Variants in PCED1B observed in about 807,000 individuals in gnomAD.
The protein encoded by PCED1B is PC-esterase domain-containing protein 1B.
For synonymous variants in PCED1B, 251 were observed against 246.1 expected (o/e 1.02, Z -0.19); for missense variants, 573 against 573.9 (o/e 1.00, Z 0.02).
chr12:47,127,962 G>A (rs563202805), intron 2 of PCED1B, among the ~76,000 whole-genome samples: 7 of 152,230 alleles, frequency 4.6e-5, no homozygotes, highest in South Asian at 4.1e-4. Flanking sequence ...TTATGATACC[G>A]CTTTATGCTT....
Position 47,126,928 on chromosome 12 carries a change from G to A in PCED1B, c.-526+22733G>A, listed in dbSNP as rs570168546. Among the ~76,000 whole-genome samples, 4 of 152,084 alleles carry A rather than the reference G, an allele frequency of 2.6e-5. 1 individual carries two copies. The highest frequency in any genetic ancestry group is 4.4e-5 in the Non-Finnish European group (3 of 68,000). ...TGTTTTGGCTAGAGGTTTATTCAATGTAGTTGATTTTTCTCAAAGAATCTG... is the reference window on the plus strand; with the variant it reads ...TGTTTTGGCTAGAGGTTTATTCAATATAGTTGATTTTTCTCAAAGAATCTG... On this transcript the variant is annotated intron_variant, in intron 2 of 3. Coordinates refer to ENST00000546455, the MANE Select transcript of PCED1B (RefSeq NM_138371.3).
rs1484460166 is a variant in PCED1B, at chr12:47,127,260, C to A, written c.-526+23065C>A. 3.3e-5 allele frequency among the ~76,000 whole-genome samples: 5 copies of A among 151,524 alleles called. No homozygotes were observed. In the East Asian group the frequency reaches 7.7e-4, roughly 23 times the overall value. ...TTTACATTTACATACAGATTGAAAT[C>A]TTTTATAATTTCCGTTTGATTTCTT... On this transcript the variant is annotated intron_variant, in intron 2 of 3. Transcript: ENST00000546455.
chr12:47,236,061 TC>T lies in PCED1B; in HGVS notation c.1001del (p.Pro334HisfsTer103). ...PILHHQGMPR[F>X]PQGPPDACFS... ...CTCCATCACCAGGGAATGCCCCGGT[TC>T]CCACAGGGTCCCCCAGATGCCTGTT... On this transcript the variant is annotated frameshift_variant, in exon 4 of 4. Coordinates refer to ENST00000546455, the MANE Select transcript of PCED1B (RefSeq NM_138371.3). LOFTEE classifies it low-confidence loss of function (END_TRUNC). The T allele has an allele frequency of 6.2e-7, 1 of 1,614,038 alleles. No individual in the cohort carries two copies. The highest frequency in any genetic ancestry group is 8.5e-7 in the Non-Finnish European group (1 of 1,180,006).
At chr12:47,176,044 C>T (rs540669186) in intron 2 of PCED1B, among the ~76,000 whole-genome samples, 93 of 151,810 alleles carry the variant, frequency 6.1e-4, no homozygotes, top group African/African-American at 2.1e-3. Context: ...TTAATACTGG[C>T]ATGCCCTAGC....
At chr12:47,189,020 GA>G (rs1942362534) in intron 2 of PCED1B, among the ~76,000 whole-genome samples, 1 of 152,126 alleles carries the variant, frequency 6.6e-6, no homozygotes, top group Admixed American at 6.5e-5. Context: ...AATATGTAGG[GA>G]CAGCCTCCAC....
At chr12:47,222,669 A>T (rs555321687) in intron 3 of PCED1B, among the ~76,000 whole-genome samples, 2 of 152,302 alleles carry the variant, frequency 1.3e-5, no homozygotes, top group East Asian at 3.9e-4. Flanking sequence ...ACTTGTTAGG[A>T]AAACTGCAGT....
intron 2 of PCED1B, among the ~76,000 whole-genome samples, chr12:47,111,107 G>T (rs1939175741): frequency 6.6e-6 from 1 of 152,120 alleles, no homozygotes; most frequent in African/African-American, 2.4e-5. Context: ...TAACATTTGG[G>T]TTGCCTTAAT....
At chr12:47,092,477 T>G (rs1021099727) in intron 1 of PCED1B, among the ~76,000 whole-genome samples, 1 of 152,034 alleles carries the variant, frequency 6.6e-6, no homozygotes, top group Non-Finnish European at 1.5e-5. Flanking sequence ...AATGACAATT[T>G]TATTTCTTGC....
chr12:47,096,913 G>C (rs963342728), intron 1 of PCED1B, among the ~76,000 whole-genome samples: 1 of 152,186 alleles, frequency 6.6e-6, no homozygotes, highest in Non-Finnish European at 1.5e-5. Context: ...ATGTAAGACT[G>C]TATAAGATTG....
intron 2 of PCED1B, among the ~76,000 whole-genome samples, chr12:47,211,729 G>A (rs567656995): frequency 2.7e-5 from 4 of 150,924 alleles, no homozygotes; most frequent in South Asian, 2.1e-4. Context: ...AGGCTGAGGC[G>A]GGTGGATCAC....
intron 3 of PCED1B, among the ~76,000 whole-genome samples, chr12:47,222,446 A>G (rs984083983): frequency 1.4e-5 from 2 of 141,712 alleles, no homozygotes; most frequent in Non-Finnish European, 1.6e-5. Context: ...AAAAAAAAAG[A>G]GAGAGAATTG....
chr12:47,130,510 C>T (rs1031863606), intron 2 of PCED1B, among the ~76,000 whole-genome samples: 4 of 152,000 alleles, frequency 2.6e-5, no homozygotes, highest in African/African-American at 9.7e-5. Context: ...AATCCCATCC[C>T]TACAAAAATA....
At chr12:47,176,526 C>T (rs981426699) in intron 2 of PCED1B, among the ~76,000 whole-genome samples, 3 of 152,208 alleles carry the variant, frequency 2.0e-5, no homozygotes, top group Non-Finnish European at 4.4e-5. Flanking sequence ...ATGACCACGC[C>T]GCATGCCCCG....
At chr12:47,181,488 C>T (rs1363794464) in intron 2 of PCED1B, among the ~76,000 whole-genome samples, 1 of 151,800 alleles carries the variant, frequency 6.6e-6, no homozygotes, top group Non-Finnish European at 1.5e-5. Context: ...CTCAGCCTCC[C>T]GACTAGCTGG....
At chr12:47,110,875 T>G (rs1939164545) in intron 2 of PCED1B, among the ~76,000 whole-genome samples, 1 of 152,198 alleles carries the variant, frequency 6.6e-6, no homozygotes, top group South Asian at 2.1e-4. Context: ...ATGTCCCGCA[T>G]CACAGTTGCA....
At chr12:47,173,745 G>A (rs991548168) in intron 2 of PCED1B, among the ~76,000 whole-genome samples, 1 of 152,122 alleles carries the variant, frequency 6.6e-6, no homozygotes, top group Non-Finnish European at 1.5e-5. Context: ...GCCCAGATAA[G>A]AGAGATTATC....
At chr12:47,196,561 C>T (rs1046548577) in intron 2 of PCED1B, among the ~76,000 whole-genome samples, 1 of 152,236 alleles carries the variant, frequency 6.6e-6, no homozygotes, top group Non-Finnish European at 1.5e-5. Flanking sequence ...GGCACCGTGG[C>T]TCACGCCTGT....
At chr12:47,166,198 G>T (rs1941540092) in intron 2 of PCED1B, among the ~76,000 whole-genome samples, 2 of 152,170 alleles carry the variant, frequency 1.3e-5, no homozygotes, top group South Asian at 4.1e-4. Flanking sequence ...GCTTAACTTT[G>T]ATAAGCACTA....
At chr12:47,205,142 G>T (rs1942875373) in intron 2 of PCED1B, among the ~76,000 whole-genome samples, 1 of 152,160 alleles carries the variant, frequency 6.6e-6, no homozygotes, top group Non-Finnish European at 1.5e-5. Context: ...TGGGTAGGGG[G>T]TTGGAAAGTG....
Sources: allele counts gnomAD v4.1 joint callset (sites outside exome capture counted in the v4.1 genomes callset), GRCh38; gene constraint gnomAD v4.1.1; transcripts MANE v1.5; gene names NCBI Gene and HGNC (gene_info 2026-07-23, HGNC 2026-07-21).